Variants in CHD1L observed in about 807,000 individuals in gnomAD.
The protein encoded by CHD1L is ATP-dependent chromatin remodeler CHD1L.
A neutral mutation model predicts 115.9 loss-of-function variants in CHD1L; 118 were observed. The observed-to-expected ratio is 1.02, with a 90% confidence interval of 0.88 to 1.19. The LOEUF is 1.19. Among genes scored for constraint, CHD1L ranks in the 50% most tolerant of loss-of-function variants. The pLI is 0.00. For synonymous variants in CHD1L, 411 were observed against 387.1 expected, an observed-to-expected ratio of 1.06 and a Z score of -0.72; for missense variants, 1,179 against 1,065.3, an observed-to-expected ratio of 1.11 and a Z score of -1.49.
chr1:147,201,409 T>C, the CHD1L span: 3 of 1,614,180 alleles, frequency 1.9e-6, no homozygotes, highest in Admixed American at 5.0e-5. Flanking sequence ...GGCAGCTGTC[T>C]CCGTGAATTC....
chr1:147,204,952 G>A, the CHD1L span: 2 of 1,463,820 alleles, frequency 1.4e-6, no homozygotes, highest in East Asian at 2.3e-5. Flanking sequence ...GCAGGAAGCC[G>A]TTCACGTGAC....
At chr1:147,208,967 G>T in the CHD1L span, 3 of 1,613,774 alleles carry the variant, frequency 1.9e-6, no homozygotes, top group Non-Finnish European at 2.5e-6. Context: ...TGTGTAAGTC[G>T]AGAAGAGAAC....
the CHD1L span, among the ~76,000 whole-genome samples, chr1:147,193,715 C>T: frequency 6.6e-6 from 1 of 152,042 alleles, no homozygotes; most frequent in Middle Eastern, 3.2e-3. Context: ...TGTCTTTGTT[C>T]CCATTGGTTT....
chr1:147,294,447 G>T lies in CHD1L; in HGVS notation c.2545G>T (p.Gly849Cys), dbSNP rs587718472. The change falls in exon 22 of 23, where the codon GGT becomes TGT. Residue 849 changes from glycine to cysteine, a missense_variant. Transcript: ENST00000369258. ...HLPRIGHATK[G>C]FNWYGTERLI... ...TCCACGTATTGGACATGCCACGAAA[G>T]GTTTTAACTGGTATGGTACTGAGCG... is the stretch of plus-strand genomic sequence containing the variant. The T allele has an allele frequency of 1.2e-6, 2 of 1,612,858 alleles. No homozygotes were observed. Among genetic ancestry groups the T allele is most frequent in the Middle Eastern group, 1.7e-4 (1 of 6,060 alleles).
At chr1:147,269,426 T>C (rs1553951149) in intron 10 of CHD1L, among the ~76,000 whole-genome samples, 1 of 151,996 alleles carries the variant, frequency 6.6e-6, no homozygotes, top group African/African-American at 2.4e-5. Context: ...ATCCCAATAC[T>C]TTGGGAGGCT....
intron 19 of CHD1L, among the ~76,000 whole-genome samples, chr1:147,288,039 G>T (rs1683949217): frequency 6.6e-6 from 1 of 152,120 alleles, no homozygotes. Flanking sequence ...TAAAGTATTG[G>T]AATGGGCTGG....
the CHD1L span, among the ~76,000 whole-genome samples, chr1:147,216,411 G>A: frequency 6.6e-6 from 1 of 151,022 alleles, no homozygotes; most frequent in South Asian, 2.1e-4. Context: ...TACTAACACT[G>A]AGTAATAGTC....
intron 1 of CHD1L, among the ~76,000 whole-genome samples, chr1:147,251,358 T>C (rs963310658): frequency 3.3e-5 from 5 of 152,182 alleles, no homozygotes; most frequent in African/African-American, 7.2e-5. Context: ...ATGCTTGTTT[T>C]CTGTAGCATG....
intron 6 of CHD1L, among the ~76,000 whole-genome samples, chr1:147,262,731 C>CAAAAA (rs11414167): frequency 6.7e-6 from 1 of 149,732 alleles, no homozygotes; most frequent in East Asian, 1.9e-4. Flanking sequence ...AGGGAGATGG[C>CAAAAA]AAAAAAAAAA....
chr1:147,199,368 T>C, the CHD1L span, among the ~76,000 whole-genome samples: 5,613 of 152,260 alleles, frequency 0.037, 146 homozygotes, highest in South Asian at 0.095. Context: ...AGAGTTCCTG[T>C]TGGAAGTCTG....
chr1:147,272,999 A>C (rs1676867270), intron 12 of CHD1L, among the ~76,000 whole-genome samples: 1 of 151,634 alleles, frequency 6.6e-6, no homozygotes, highest in Non-Finnish European at 1.5e-5. Flanking sequence ...GAGGAGTTTG[A>C]GACCAGCCTG....
At chr1:147,277,488 G>A (rs587699342) in intron 14 of CHD1L, among the ~76,000 whole-genome samples, 2 of 152,292 alleles carry the variant, frequency 1.3e-5, no homozygotes, top group South Asian at 2.1e-4. Flanking sequence ...AGTAATTACA[G>A]GAAAGGCTCA....
rs1333732310 is a variant in CHD1L, at chr1:147,285,549, C to T, written c.2018+62C>T. ...AAGGAGTCACTATTGTATAGTGAGA[C>T]CACAGTTGAATATCACTTTAAAAAT... is the stretch of plus-strand genomic sequence containing the variant. On this transcript the variant is annotated intron_variant, in intron 17 of 22. Transcript: ENST00000369258. 6 of 1,473,306 alleles carry T rather than the reference C, an allele frequency of 4.1e-6. No individual in the cohort carries two copies. In the South Asian group the frequency reaches 8.4e-5, roughly 21 times the overall value. The allele number at this position is 1,473,306 out of a possible 1,614,324, so 91.3% of individuals were successfully genotyped here.
chr1:147,264,414 T>A lies in CHD1L; in HGVS notation c.577-8T>A. 6.3e-7 allele frequency: 1 copy of A among 1,581,582 alleles called. No individual in the cohort carries two copies. Among genetic ancestry groups the A allele is most frequent in the Non-Finnish European group, 8.6e-7 (1 of 1,162,268 alleles). ...GGAATTTTTATTTTATTTATTTATG[T>A]ATTTGAGTTCTCAGTAGTCTTCAGT... is the stretch of plus-strand genomic sequence containing the variant. On this transcript the variant is annotated splice_polypyrimidine_tract_variant and splice_region_variant and intron_variant, in intron 6 of 22. Transcript: ENST00000369258.
chr1:147,249,908 TTC>T (rs61091982), intron 1 of CHD1L, among the ~76,000 whole-genome samples: 1 of 152,118 alleles, frequency 6.6e-6, no homozygotes, highest in Admixed American at 6.5e-5. Context: ...TCAGTCTGCT[TTC>T]TCTCTCTTCT....
chr1:147,250,255 G>T lies in CHD1L; in HGVS notation c.128-2368G>T, dbSNP rs111337165. Among the ~76,000 whole-genome samples, 1,331 of 151,824 alleles carry T rather than the reference G, an allele frequency of 8.8e-3. 8 individuals carry two copies. The highest frequency in any genetic ancestry group is 0.014 in the Admixed American group (209 of 15,266). On this transcript the variant is annotated intron_variant, in intron 1 of 22. Transcript: ENST00000369258. The stretch of plus-strand genomic sequence containing the variant: ...TGGCACCTATTGATTATCTTTTTTC[G>T]TTCAGTTTGAAATCTTCCCAGTTCT...
At chr1:147,275,243 A>T (rs587685304) in intron 12 of CHD1L, 111 bp from the exon 13 acceptor site, 6 of 788,032 alleles carry the variant, frequency 7.6e-6, no homozygotes, top group Non-Finnish European at 1.3e-5. Flanking sequence ...GATGAAGCCA[A>T]TTGTTTTGAC....
the CHD1L span, among the ~76,000 whole-genome samples, chr1:147,208,126 T>C: frequency 4.6e-5 from 7 of 151,984 alleles, no homozygotes; most frequent in Non-Finnish European, 1.0e-4. Context: ...GCTTATCTTA[T>C]AGAAAGTCCT....
chr1:147,291,571 T>G lies in CHD1L; in HGVS notation c.2391+19T>G. On this transcript the variant is annotated intron_variant, in intron 20 of 22. Coordinates refer to ENST00000369258, the MANE Select transcript of CHD1L (RefSeq NM_004284.6). The stretch of plus-strand genomic sequence containing the variant: ...AGATTTGGTAAGTAAAACCCATCTC[T>G]TCTCAGAACTACAAGTGGACTCACA... 1 of 1,596,722 alleles carries G rather than the reference T, an allele frequency of 6.3e-7. No homozygotes were observed. Among genetic ancestry groups the G allele is most frequent in the Non-Finnish European group, 8.6e-7 (1 of 1,164,302 alleles).
Sources: allele counts gnomAD v4.1 joint callset (sites outside exome capture counted in the v4.1 genomes callset), GRCh38; gene constraint gnomAD v4.1.1; transcripts MANE v1.5; gene names NCBI Gene and HGNC (gene_info 2026-07-23, HGNC 2026-07-21).